The following MRPS25 variants were observed in gnomAD, a reference collection of about 807,000 sequenced individuals.
MRPS25 encodes the protein small ribosomal subunit protein mS25.
In MRPS25, 15 loss-of-function variants were observed where a neutral mutation model predicts 17.3. The ratio of observed to expected loss-of-function variants is 0.87; its 90% CI spans 0.58 to 1.34. The LOEUF (loss-of-function observed/expected upper bound fraction) is 1.34. MRPS25 is among the 40% of genes most tolerant of loss of function. MRPS25 has a pLI of 0.00. For synonymous variants in MRPS25, 94 were observed against 83.3 expected (o/e 1.13, Z -0.70); for missense variants, 225 against 218.6 (o/e 1.03, Z -0.19).
chr3:15,048,688 C>G lies in MRPS25; in HGVS notation c.*3753G>C, dbSNP rs1414450739. On this transcript the variant is annotated 3_prime_UTR_variant, in exon 4 of 4. Transcript: ENST00000253686. ...TCAAATGCTGCTGCCACACACAACT[C>G]AAGTGCTGGAATATTTTTCTACAGT... The G allele has an allele frequency of 6.6e-6, 1 of 152,614 alleles. No individual in the cohort carries two copies. Among genetic ancestry groups the G allele is most frequent in the Non-Finnish European group, 1.5e-5 (1 of 68,032 alleles). 9.5% of individuals were successfully genotyped at this position (152,614 alleles called of 1,614,324 possible).
intron 2 of MRPS25, among the ~76,000 whole-genome samples, chr3:15,058,220 T>C (rs990864557): frequency 1.3e-5 from 2 of 149,332 alleles, no homozygotes; most frequent in Non-Finnish European, 3.0e-5. Context: ...GACGGAGTCT[T>C]GCTCTGCCGC....
chr3:15,060,857 G>A (rs1031840570), intron 1 of MRPS25, among the ~76,000 whole-genome samples: 24 of 151,950 alleles, frequency 1.6e-4, no homozygotes, highest in African/African-American at 5.3e-4. Context: ...CTCTAGCCTG[G>A]GTGACAGAGC....
intron 2 of MRPS25, among the ~76,000 whole-genome samples, chr3:15,054,638 C>T (rs1328107452): frequency 6.6e-6 from 1 of 152,042 alleles, no homozygotes; most frequent in East Asian, 1.9e-4. Context: ...ATTGTCATGA[C>T]CTTACCTAGG....
chr3:15,048,216 T>G (rs989860901), downstream of MRPS25: 1 of 152,708 alleles, frequency 6.5e-6, no homozygotes, highest in Non-Finnish European at 1.5e-5. Context: ...GTTTTTGATG[T>G]AGAGAAAGCT....
chr3:15,057,460 G>C (rs1445893848), intron 2 of MRPS25, among the ~76,000 whole-genome samples: 2 of 152,326 alleles, frequency 1.3e-5, no homozygotes, highest in African/African-American at 4.8e-5. Flanking sequence ...GCCAGAAGCA[G>C]CAAAAACCAC....
intron 1 of MRPS25, among the ~76,000 whole-genome samples, chr3:15,061,628 C>T (rs1410325023): frequency 2.0e-5 from 3 of 152,214 alleles, no homozygotes; most frequent in Admixed American, 2.0e-4. Flanking sequence ...AGCCTCTGCC[C>T]GGCCACCACC....
intron 2 of MRPS25, among the ~76,000 whole-genome samples, chr3:15,058,000 G>GC (rs1213884190): frequency 1.3e-5 from 2 of 149,178 alleles, no homozygotes; most frequent in Non-Finnish European, 3.0e-5. Flanking sequence ...TCCTGCCTCA[G>GC]CCCCCCAAGT....
chr3:15,045,727 T>A (rs2042427179), downstream of MRPS25: 1 of 152,672 alleles, frequency 6.5e-6, no homozygotes, highest in Non-Finnish European at 1.5e-5. Context: ...GGGCTCCAAC[T>A]TTCACAGGGC....
intron 2 of MRPS25, among the ~76,000 whole-genome samples, chr3:15,055,181 A>T (rs1007906543): frequency 9.2e-5 from 14 of 152,306 alleles, no homozygotes; most frequent in African/African-American, 3.4e-4. Flanking sequence ...ATGGTGCTAA[A>T]CCATTCATGA....
chr3:15,061,613 A>AGT (rs201522761), intron 1 of MRPS25, among the ~76,000 whole-genome samples: 1,603 of 152,292 alleles, frequency 0.011, 9 homozygotes, highest in Non-Finnish European at 0.016. Flanking sequence ...AAGTGTCCAG[A>AGT]GTGCAGCCTC....
intron 1 of MRPS25, among the ~76,000 whole-genome samples, chr3:15,064,301 A>G (rs1436387085): frequency 4.6e-5 from 7 of 152,164 alleles, no homozygotes; most frequent in Non-Finnish European, 7.3e-5. Context: ...CTCAGGGTCA[A>G]TCCAAACCTT....
intron 3 of MRPS25, 186 bp downstream of exon 3, chr3:15,053,194 G>A (rs1008248235): frequency 7.5e-7 from 1 of 1,325,536 alleles, no homozygotes; most frequent in Non-Finnish European, 1.0e-6. Context: ...AAAGCTTACA[G>A]AGGTTTAATG....
At position 15,051,566 on chromosome 3, in the gene MRPS25, G is replaced by A. The variant is rs897227028; in HGVS notation, c.*875C>T. 8.8e-5 allele frequency: 87 copies of A among 985,274 alleles called. No individual in the cohort carries two copies. Among genetic ancestry groups the A allele is most frequent in the Non-Finnish European group, 9.6e-5 (80 of 829,918 alleles). The allele number at this position is 985,274 out of a possible 1,614,324, so 61.0% of individuals were successfully genotyped here. Reference sequence around the variant, plus strand: ...ACCTCCACTTTAGCATAACTAAAGTGACAGTAACATCAGTGTCCTATGAGG... The same window carrying A: ...ACCTCCACTTTAGCATAACTAAAGTAACAGTAACATCAGTGTCCTATGAGG... On this transcript the variant is annotated 3_prime_UTR_variant, in exon 4 of 4. Coordinates refer to ENST00000253686, the MANE Select transcript of MRPS25 (RefSeq NM_022497.5).
chr3:15,053,238 T>A lies in MRPS25; in HGVS notation c.329+142A>T, dbSNP rs2042628368. The A allele has an allele frequency of 6.1e-6, 9 of 1,475,104 alleles. No homozygotes were observed. The South Asian group carries it at 1.1e-4, about 18-fold the overall frequency. The allele number at this position is 1,475,104 out of a possible 1,614,324, so 91.4% of individuals were successfully genotyped here. On this transcript the variant is annotated intron_variant, in intron 3 of 3. Transcript: ENST00000253686. ...AAGAGCAACATCAGAAAGAACTGAT[T>A]CTACAGCCCCAGCTCTTATTAGTGT...
At position 15,049,285 on chromosome 3, in the gene MRPS25, CTCT is replaced by C. The variant is rs1233990969; in HGVS notation, c.*3153_*3155del. ...GAATTAAAGACTAACATGCATCCTGCTCTTCATTTTTCTTCATGATAGTAGTAA... is the reference window on the plus strand; with the variant it reads ...GAATTAAAGACTAACATGCATCCTGCTCATTTTTCTTCATGATAGTAGTAA... On this transcript the variant is annotated 3_prime_UTR_variant, in exon 4 of 4. Coordinates refer to ENST00000253686, the MANE Select transcript of MRPS25 (RefSeq NM_022497.5). 1 of 152,738 alleles carries C rather than the reference CTCT, an allele frequency of 6.5e-6. No individual in the cohort carries two copies. The highest frequency in any genetic ancestry group is 1.5e-5 in the Non-Finnish European group (1 of 68,164). The allele number at this position is 152,738 out of a possible 1,614,324, so 9.5% of individuals were successfully genotyped here.
intron 2 of MRPS25, among the ~76,000 whole-genome samples, chr3:15,056,830 A>C (rs566385497): frequency 1.3e-5 from 2 of 152,334 alleles, no homozygotes; most frequent in South Asian, 4.1e-4. Flanking sequence ...TAATACAACA[A>C]TATCAGCATG....
At chr3:15,064,924 T>C (rs933484615) in intron 1 of MRPS25, 137 bp downstream of exon 1, 5 of 1,098,622 alleles carry the variant, frequency 4.6e-6, no homozygotes, top group Non-Finnish European at 6.4e-6. Flanking sequence ...CTCTGTAAAA[T>C]GGGGGTAACA....
At chr3:15,053,205 AT>A in intron 3 of MRPS25, 174 bp downstream of exon 3, 2 of 1,392,064 alleles carry the variant, frequency 1.4e-6, no homozygotes, top group Non-Finnish European at 1.9e-6. Flanking sequence ...AGGTTTAATG[AT>A]TTGGTAAAGA....
intron 2 of MRPS25, among the ~76,000 whole-genome samples, chr3:15,055,885 G>A (rs1422595659): frequency 1.4e-5 from 2 of 146,286 alleles, no homozygotes; most frequent in East Asian, 2.0e-4. Flanking sequence ...TAAAGAACTC[G>A]ACAAGAAAGC....
Sources: gnomAD v4.1 joint callset for allele counts (sites outside exome capture counted in the v4.1 genomes callset) on GRCh38, gnomAD v4.1.1 for gene constraint, MANE v1.5 for transcripts, NCBI Gene and HGNC (gene_info 2026-07-23, HGNC 2026-07-21) for gene names.